FHIT: variants seen among roughly 807,000 people sequenced by gnomAD.
FHIT encodes the protein fragile histidine triad diadenosine triphosphatase.
In FHIT, 19 loss-of-function variants were observed where a neutral mutation model predicts 17.9. The ratio of observed to expected loss-of-function variants is 1.06; its 90% CI spans 0.74 to 1.56. The LOEUF (loss-of-function observed/expected upper bound fraction) is 1.56, where lower values mean the gene tolerates loss of function less well. Among genes scored for constraint, FHIT ranks in the 40% most tolerant of loss-of-function variants. FHIT has a pLI of 0.00. For missense variants in FHIT, 248 were observed against 189.2 expected (o/e 1.31, Z -1.82); for synonymous variants, 81 against 69.7 (o/e 1.16, Z -0.81).
intron 3 of FHIT, among the ~76,000 whole-genome samples, chr3:60,950,562 G>T (rs192383110): frequency 1.4e-3 from 210 of 151,492 alleles, no homozygotes; most frequent in African/African-American, 4.9e-3. Context: ...TGTCGCCCAG[G>T]CTGGACTGCA....
chr3:60,320,639 A>C (rs1165371809), intron 5 of FHIT, among the ~76,000 whole-genome samples: 1 of 152,194 alleles, frequency 6.6e-6, no homozygotes, highest in Non-Finnish European at 1.5e-5. Context: ...TCAATGTCAG[A>C]CATTCACATA....
chr3:60,676,309 T>C (rs1370401533), intron 4 of FHIT, among the ~76,000 whole-genome samples: 1 of 152,160 alleles, frequency 6.6e-6, no homozygotes, highest in Non-Finnish European at 1.5e-5. Context: ...TGACAATCCT[T>C]TGGTGGTGTG....
chr3:60,860,546 TAC>T, intron 3 of FHIT, among the ~76,000 whole-genome samples: 1 of 20,752 alleles, frequency 4.8e-5, no homozygotes, highest in Non-Finnish European at 1.7e-4. Context: ...GTATATATGA[TAC>T]ATATGTATCA....
At chr3:60,731,865 G>C (rs1410434519) in intron 4 of FHIT, among the ~76,000 whole-genome samples, 1 of 152,190 alleles carries the variant, frequency 6.6e-6, no homozygotes, top group African/African-American at 2.4e-5. Context: ...GGGATGTGGG[G>C]TGTCCCTTTA....
chr3:60,688,045 A>G (rs2040899253), intron 4 of FHIT, among the ~76,000 whole-genome samples: 1 of 151,626 alleles, frequency 6.6e-6, no homozygotes, highest in African/African-American at 2.4e-5. Flanking sequence ...CTAATGAGTT[A>G]CTTTGTTTTA....
intron 4 of FHIT, among the ~76,000 whole-genome samples, chr3:60,551,054 T>C (rs926252532): frequency 1.3e-5 from 2 of 152,040 alleles, no homozygotes; most frequent in South Asian, 4.1e-4. Context: ...TGTGACTATA[T>C]GGGGATAAAA....
At chr3:59,777,786 C>T (rs1702397433) in intron 8 of FHIT, among the ~76,000 whole-genome samples, 2 of 152,076 alleles carry the variant, frequency 1.3e-5, no homozygotes, top group Admixed American at 6.5e-5. Context: ...CACCAATGCT[C>T]CGGGCACACT....
At chr3:60,457,162 A>C (rs574276285) in intron 5 of FHIT, among the ~76,000 whole-genome samples, 1 of 152,062 alleles carries the variant, frequency 6.6e-6, no homozygotes, top group African/African-American at 2.4e-5. Flanking sequence ...GAGGCATCAC[A>C]CTACCTGACT....
chr3:60,569,757 T>TA (rs1449802542), intron 4 of FHIT, among the ~76,000 whole-genome samples: 45 of 21,676 alleles, frequency 2.1e-3, no homozygotes, highest in African/African-American at 2.3e-3. Flanking sequence ...ATATATATAT[T>TA]TTTTTTTTTT....
Position 60,042,356 on chromosome 3 carries a change from G to A in FHIT, c.104-28204C>T, listed in dbSNP as rs534814237. Among the ~76,000 whole-genome samples, 237 of 152,234 alleles carry A rather than the reference G, an allele frequency of 1.6e-3. 1 individual carries two copies. Among genetic ancestry groups the A allele is most frequent in the African/African-American group, 5.4e-3 (225 of 41,546 alleles). ...TAGGACTCTATTAGTTTGCTAGGAC[G>A]AGCATAACAAAATACCAAGTACCAC... On this transcript the variant is annotated intron_variant, in intron 5 of 9. Coordinates refer to ENST00000492590, the MANE Select transcript of FHIT (RefSeq NM_002012.4).
At chr3:60,087,833 T>A (rs1391102433) in intron 5 of FHIT, among the ~76,000 whole-genome samples, 1 of 152,210 alleles carries the variant, frequency 6.6e-6, no homozygotes, top group Non-Finnish European at 1.5e-5. Flanking sequence ...CCTTGTCTTT[T>A]TTTCTTCTTC....
intron 5 of FHIT, among the ~76,000 whole-genome samples, chr3:60,467,966 G>A (rs1203631008): frequency 2.0e-5 from 3 of 152,148 alleles, no homozygotes; most frequent in South Asian, 2.1e-4. Context: ...TAACATATAT[G>A]AGTGCTCCAG....
At chr3:60,069,205 A>T (rs1407655258) in intron 5 of FHIT, among the ~76,000 whole-genome samples, 1 of 152,250 alleles carries the variant, frequency 6.6e-6, no homozygotes, top group South Asian at 2.1e-4. Flanking sequence ...TAACCTATGA[A>T]GATGAACGAG....
chr3:60,487,761 T>C (rs2033902304), intron 5 of FHIT, among the ~76,000 whole-genome samples: 1 of 152,146 alleles, frequency 6.6e-6, no homozygotes, highest in Non-Finnish European at 1.5e-5. Context: ...GTTTAGCTCA[T>C]TCCTTGACAA....
intron 7 of FHIT, among the ~76,000 whole-genome samples, chr3:59,927,723 C>T (rs142363690): frequency 4.9e-4 from 75 of 152,110 alleles, no homozygotes; most frequent in Non-Finnish European, 8.4e-4. Context: ...GAGCCGAGAT[C>T]GTGCCACTGC....
chr3:60,614,831 GT>G (rs1327062142), intron 4 of FHIT, among the ~76,000 whole-genome samples: 2 of 53,482 alleles, frequency 3.7e-5, no homozygotes, highest in African/African-American at 1.1e-4. Flanking sequence ...TTTTTTTTTT[GT>G]TTTTTTTTTG....
intron 8 of FHIT, among the ~76,000 whole-genome samples, chr3:59,826,377 A>G (rs997032604): frequency 6.6e-6 from 1 of 152,106 alleles, no homozygotes; most frequent in Admixed American, 6.5e-5. Flanking sequence ...ATTTGGTTTA[A>G]CCTGTTCTTT....
chr3:60,040,545 T>C (rs1433263769), intron 5 of FHIT, among the ~76,000 whole-genome samples: 1 of 152,168 alleles, frequency 6.6e-6, no homozygotes, highest in Non-Finnish European at 1.5e-5. Flanking sequence ...ATCTCCCCTG[T>C]CCTCCTCACA....
chr3:60,879,801 T>C (rs1553757485), intron 3 of FHIT, among the ~76,000 whole-genome samples: 3 of 151,642 alleles, frequency 2.0e-5, no homozygotes, highest in Admixed American at 6.6e-5. Flanking sequence ...AAACAATCTC[T>C]GAACCTAAAA....
Sources: gnomAD v4.1 joint callset for allele counts (sites outside exome capture counted in the v4.1 genomes callset) on GRCh38, gnomAD v4.1.1 for gene constraint, MANE v1.5 for transcripts, NCBI Gene and HGNC (gene_info 2026-07-23, HGNC 2026-07-21) for gene names.